The following AKAP6 variants were observed in gnomAD, a reference collection of about 807,000 sequenced individuals.
AKAP6 encodes A-kinase anchoring protein 6, also known as A-kinase anchor protein 6.
Under a neutral mutation model 188.5 loss-of-function variants are expected in AKAP6, and 58 were observed. The ratio of observed to expected loss-of-function variants is 0.31; its 90% CI spans 0.25 to 0.38. AKAP6 has a LOEUF of 0.38. Among genes scored for constraint, AKAP6 ranks in the 10% least tolerant of loss-of-function variants. The probability of loss-of-function intolerance (pLI) is 1.00; values close to 1 mark genes in which losing one functional copy is unlikely to be tolerated. For missense variants in AKAP6, 2,710 were observed against 2,740.0 expected, an observed-to-expected ratio of 0.99 and a Z score of 0.24; for synonymous variants, 989 against 998.6, an observed-to-expected ratio of 0.99 and a Z score of 0.18.
At chr14:32,710,432 CAT>C (rs1448109904) in intron 9 of AKAP6, among the ~76,000 whole-genome samples, 2 of 151,834 alleles carry the variant, frequency 1.3e-5, no homozygotes, top group Non-Finnish European at 1.5e-5. Flanking sequence ...TGAAAACTGA[CAT>C]AAAGTTTTTA....
intron 7 of AKAP6, among the ~76,000 whole-genome samples, chr14:32,677,126 T>G (rs536643463): frequency 5.3e-5 from 8 of 152,356 alleles, no homozygotes; most frequent in Admixed American, 3.9e-4. Context: ...GCACCCGGCC[T>G]GCAAGACCTC....
chr14:32,420,022 C>T (rs1303683334), intron 1 of AKAP6, among the ~76,000 whole-genome samples: 1 of 152,020 alleles, frequency 6.6e-6, no homozygotes, highest in African/African-American at 2.4e-5. Flanking sequence ...GTGTTAAAAC[C>T]CTGTCCTGTA....
At chr14:32,404,691 G>GATATATATATATATATATATATAT (rs55702209) in intron 1 of AKAP6, among the ~76,000 whole-genome samples, 3,425 of 43,966 alleles carry the variant, frequency 0.078, 577 homozygotes, top group African/African-American at 0.088. Context: ...GGAGTCAGGA[G>GATATATATATATATATATATATAT]ATATATATAT....
At chr14:32,383,884 G>A (rs1258782707) in intron 1 of AKAP6, among the ~76,000 whole-genome samples, 1 of 152,080 alleles carries the variant, frequency 6.6e-6, no homozygotes, top group Non-Finnish European at 1.5e-5. Context: ...TCTCTCATGC[G>A]GCACTTTGCT....
intron 7 of AKAP6, among the ~76,000 whole-genome samples, chr14:32,666,027 C>T (rs913303429): frequency 1.4e-4 from 22 of 152,034 alleles, no homozygotes; most frequent in African/African-American, 3.4e-4. Context: ...ACTCATAGTA[C>T]GCATCTTCTG....
chr14:32,391,241 C>T (rs1888704706), intron 1 of AKAP6, among the ~76,000 whole-genome samples: 1 of 152,190 alleles, frequency 6.6e-6, no homozygotes, highest in African/African-American at 2.4e-5. Flanking sequence ...TCTCTAGTGC[C>T]TCCTGATTTG....
intron 4 of AKAP6, among the ~76,000 whole-genome samples, chr14:32,560,034 AAG>A (rs1883882154): frequency 6.6e-6 from 1 of 152,032 alleles, no homozygotes; most frequent in Admixed American, 6.6e-5. Context: ...AGGAGTCAAA[AAG>A]AGTTGAAATT....
At position 32,545,347 on chromosome 14, in the gene AKAP6, C is replaced by G. The variant is rs1883146202; in HGVS notation, c.694C>G (p.Pro232Ala). 6.2e-7 allele frequency: 1 copy of G among 1,614,022 alleles called. No homozygotes were observed. The highest frequency in any genetic ancestry group is 1.3e-5 in the African/African-American group (1 of 74,914). ...ITAFELSDYSPSEDLLSGLGD... is the reference protein window; with the variant it reads ...ITAFELSDYSASEDLLSGLGD... Reference sequence around the variant, plus strand: ...TGCATTCGAACTGTCTGACTACAGTCCAAGTGAGGATTTGCTCAGTGGGCT... The same window carrying G: ...TGCATTCGAACTGTCTGACTACAGTGCAAGTGAGGATTTGCTCAGTGGGCT... Residue 232 changes from proline to alanine, a missense_variant, in exon 4 of 14, where the codon CCA (proline) becomes GCA (alanine). Around this residue, in one of 2 missense-constraint regions of AKAP6, gnomAD observed 237 missense variants for 313.9 expected, o/e 0.76. Transcript: ENST00000280979.
At chr14:32,800,039 G>GTCTC (rs762313539) in intron 12 of AKAP6, among the ~76,000 whole-genome samples, 9 of 112,718 alleles carry the variant, frequency 8.0e-5, no homozygotes, top group African/African-American at 1.0e-4. Context: ...GCAAAACCCT[G>GTCTC]TCTCTCTCTC....
intron 7 of AKAP6, among the ~76,000 whole-genome samples, chr14:32,602,850 C>T (rs1012110844): frequency 6.6e-6 from 1 of 152,180 alleles, no homozygotes; most frequent in African/African-American, 2.4e-5. Flanking sequence ...CCTTTGATCG[C>T]AGAGCCCGTG....
intron 2 of AKAP6, among the ~76,000 whole-genome samples, chr14:32,510,218 C>T (rs949265954): frequency 2.0e-5 from 3 of 151,544 alleles, no homozygotes; most frequent in Admixed American, 1.3e-4. Flanking sequence ...TGCTATAATG[C>T]ACTCATCATT....
chr14:32,774,744 GCATACATA>G (rs72019648), intron 12 of AKAP6, among the ~76,000 whole-genome samples: 4,041 of 151,516 alleles, frequency 0.027, 180 homozygotes, highest in African/African-American at 0.092. Flanking sequence ...TAAATGGAAT[GCATACATA>G]CATACATACA....
At chr14:32,384,465 G>C (rs1001180806) in intron 1 of AKAP6, among the ~76,000 whole-genome samples, 3 of 152,140 alleles carry the variant, frequency 2.0e-5, no homozygotes, top group Non-Finnish European at 4.4e-5. Flanking sequence ...GAGAAGCAAA[G>C]GATAGCTGAT....
chr14:32,679,551 G>A (rs984815753), intron 8 of AKAP6, among the ~76,000 whole-genome samples: 2 of 152,124 alleles, frequency 1.3e-5, no homozygotes, highest in South Asian at 4.2e-4. Flanking sequence ...TTATAGTTCT[G>A]ACTGGAACTA....
At position 32,700,640 on chromosome 14, in the gene AKAP6, A is replaced by G. The variant is rs144338786; in HGVS notation, c.3000+4530A>G. ...ACTTACCATTGTGTTACGGTTGCCT[A>G]CAGTATTCAGTATAGTAACATGCTG... On this transcript the variant is annotated intron_variant, in intron 9 of 13. Coordinates refer to ENST00000280979, the MANE Select transcript of AKAP6 (RefSeq NM_004274.5). 8.3e-3 allele frequency among the ~76,000 whole-genome samples: 1,267 copies of G among 152,310 alleles called. 23 individuals are homozygous for G. Among genetic ancestry groups the G allele is most frequent in the African/African-American group, 0.029 (1,220 of 41,564 alleles).
chr14:32,615,816 G>A (rs552531157), intron 7 of AKAP6, among the ~76,000 whole-genome samples: 3 of 151,838 alleles, frequency 2.0e-5, no homozygotes, highest in East Asian at 1.9e-4. Context: ...GGATGGTCTC[G>A]ATCTCCTGAC....
chr14:32,364,362 G>T (rs1174155079), intron 1 of AKAP6, among the ~76,000 whole-genome samples: 2 of 152,064 alleles, frequency 1.3e-5, no homozygotes, highest in Non-Finnish European at 2.9e-5. Context: ...TGGAAAATTT[G>T]ACTGGCTTGT....
chr14:32,772,768 C>T (rs896603999), intron 11 of AKAP6, among the ~76,000 whole-genome samples: 1 of 152,188 alleles, frequency 6.6e-6, no homozygotes, highest in Non-Finnish European at 1.5e-5. Context: ...GATTAATAAG[C>T]ACTCTGTTAA....
At chr14:32,706,262 T>C (rs1013639232) in intron 9 of AKAP6, among the ~76,000 whole-genome samples, 15 of 152,078 alleles carry the variant, frequency 9.9e-5, no homozygotes, top group African/African-American at 3.1e-4. Context: ...GAAAGAAATG[T>C]TAGAAGGTAT....
Sources: gnomAD v4.1 joint callset for allele counts (sites outside exome capture counted in the v4.1 genomes callset) on GRCh38, gnomAD v4.1.1 for gene constraint, gnomAD v4.1.1 regional missense constraint, MANE v1.5 for transcripts, NCBI Gene and HGNC (gene_info 2026-07-23, HGNC 2026-07-21) for gene names.